The following VTI1A variants were observed in gnomAD, a reference collection of about 807,000 sequenced individuals.
VTI1A encodes the protein vesicle transport through interaction with t-SNAREs 1A, also known as vesicle transport through interaction with t-SNAREs homolog 1A.
In VTI1A, 22 loss-of-function variants were observed where a neutral mutation model predicts 34.9. The observed-to-expected ratio is 0.63, with a 90% CI of 0.45 to 0.90. The LOEUF (loss-of-function observed/expected upper bound fraction) is 0.90. Among genes scored for constraint, VTI1A ranks in the 40% least tolerant of loss-of-function variants. VTI1A has a pLI of 0.00. For missense variants in VTI1A, 268 were observed against 275.6 expected (o/e 0.97, Z 0.20); for synonymous variants, 87 against 97.3 (o/e 0.89, Z 0.62).
intron 5 of VTI1A, among the ~76,000 whole-genome samples, chr10:112,563,988 C>T (rs1851817081): frequency 6.6e-6 from 1 of 151,876 alleles, no homozygotes; most frequent in Non-Finnish European, 1.5e-5. Context: ...GGTTTTTAAA[C>T]ATTAGACATC....
intron 7 of VTI1A, among the ~76,000 whole-genome samples, chr10:112,670,835 G>A (rs1373338209): frequency 6.6e-6 from 1 of 152,148 alleles, no homozygotes; most frequent in African/African-American, 2.4e-5. Context: ...AAAATTCCCA[G>A]ATGGACATCA....
At chr10:112,760,021 C>T (rs912985813) in intron 7 of VTI1A, among the ~76,000 whole-genome samples, 5 of 152,170 alleles carry the variant, frequency 3.3e-5, no homozygotes, top group Non-Finnish European at 5.9e-5. Context: ...ACCATCTCAG[C>T]CTGGGTTGCA....
chr10:112,472,839 C>T (rs1661251214), intron 3 of VTI1A, among the ~76,000 whole-genome samples: 1 of 151,966 alleles, frequency 6.6e-6, no homozygotes, highest in African/African-American at 2.4e-5. Flanking sequence ...GACAGAGCCA[C>T]CTCAGAAAAG....
At chr10:112,844,435 TG>T in the VTI1A span, among the ~76,000 whole-genome samples, 2 of 152,330 alleles carry the variant, frequency 1.3e-5, no homozygotes, top group East Asian at 3.9e-4. Context: ...AGTCTTGCTC[TG>T]TCGCCCTGGC....
intron 5 of VTI1A, among the ~76,000 whole-genome samples, chr10:112,565,996 G>A (rs2134346472): frequency 6.6e-6 from 1 of 152,002 alleles, no homozygotes; most frequent in African/African-American, 2.4e-5. Flanking sequence ...GGTATATTTT[G>A]AAGATTATTT....
intron 5 of VTI1A, among the ~76,000 whole-genome samples, chr10:112,621,415 T>G (rs1845730145): frequency 6.6e-6 from 1 of 152,228 alleles, no homozygotes; most frequent in Non-Finnish European, 1.5e-5. Context: ...ATGTTGGACT[T>G]AGGTACACTT....
chr10:112,486,121 G>T (rs188426612), intron 3 of VTI1A, among the ~76,000 whole-genome samples: 1 of 152,080 alleles, frequency 6.6e-6, no homozygotes, highest in Admixed American at 6.6e-5. Flanking sequence ...TTTACCACGC[G>T]TATGTCTGTG....
chr10:112,490,149 G>A (rs1254990422), intron 3 of VTI1A, among the ~76,000 whole-genome samples: 1 of 152,094 alleles, frequency 6.6e-6, no homozygotes, highest in Non-Finnish European at 1.5e-5. Context: ...TGGAAATTAA[G>A]TGCTTTCATG....
At chr10:112,696,449 G>C (rs1848792167) in intron 7 of VTI1A, among the ~76,000 whole-genome samples, 1 of 152,114 alleles carries the variant, frequency 6.6e-6, no homozygotes, top group Admixed American at 6.5e-5. Flanking sequence ...TTCAGGATGT[G>C]TTTACTATTG....
chr10:112,600,388 G>A (rs946297172), intron 5 of VTI1A, among the ~76,000 whole-genome samples: 2 of 152,102 alleles, frequency 1.3e-5, no homozygotes, highest in African/African-American at 2.4e-5. Flanking sequence ...GGTCCACAAG[G>A]CCTTTCATTA....
rs146232371 is a variant in VTI1A, at chr10:112,625,109, A to G, written c.428-43109A>G. ...TGTGGCACTGTCTCAAAAAAATAAA[A>G]AAAGTATTTTGTAATAAAGTAAGCG... is the stretch of plus-strand genomic sequence containing the variant. On this transcript the variant is annotated intron_variant, in intron 5 of 7. Transcript: ENST00000393077. Among the ~76,000 whole-genome samples, 326 of 152,310 alleles carry G rather than the reference A, an allele frequency of 2.1e-3. 1 individual carries two copies. Among genetic ancestry groups the G allele is most frequent in the African/African-American group, 7.6e-3 (316 of 41,572 alleles).
chr10:112,745,053 G>A (rs1850844779), intron 7 of VTI1A, among the ~76,000 whole-genome samples: 1 of 152,134 alleles, frequency 6.6e-6, no homozygotes, highest in Non-Finnish European at 1.5e-5. Context: ...ACCATAAAAT[G>A]CAGGAAAAAA....
chr10:112,676,499 A>C (rs1848034354), intron 7 of VTI1A, among the ~76,000 whole-genome samples: 1 of 152,170 alleles, frequency 6.6e-6, no homozygotes, highest in Non-Finnish European at 1.5e-5. Context: ...TTTCTTCTGC[A>C]CTTAGGAATC....
At chr10:112,702,375 C>T (rs987746814) in intron 7 of VTI1A, among the ~76,000 whole-genome samples, 2 of 152,260 alleles carry the variant, frequency 1.3e-5, no homozygotes, top group South Asian at 2.1e-4. Context: ...AACCAGGATT[C>T]GTTTAAAGCA....
the VTI1A span, among the ~76,000 whole-genome samples, chr10:112,840,225 G>T: frequency 7.9e-5 from 12 of 152,124 alleles, no homozygotes; most frequent in Admixed American, 5.2e-4. Context: ...AAATGGCCAG[G>T]ACTTGATTAA....
At chr10:112,762,734 C>A (rs1277787538) in intron 7 of VTI1A, among the ~76,000 whole-genome samples, 2 of 152,126 alleles carry the variant, frequency 1.3e-5, no homozygotes, top group East Asian at 3.9e-4. Flanking sequence ...GAGGCTATCA[C>A]CACTGCCTGA....
At chr10:112,750,548 C>T (rs780570925) in intron 7 of VTI1A, among the ~76,000 whole-genome samples, 3 of 152,120 alleles carry the variant, frequency 2.0e-5, no homozygotes, top group Admixed American at 6.6e-5. Flanking sequence ...GTGCAACACT[C>T]TAATGGCAGA....
chr10:112,602,303 T>A (rs866888704), intron 5 of VTI1A, among the ~76,000 whole-genome samples: 11 of 152,316 alleles, frequency 7.2e-5, no homozygotes, highest in African/African-American at 2.2e-4. Context: ...AAATTTTTTT[T>A]ATCAAATCTT....
intron 5 of VTI1A, among the ~76,000 whole-genome samples, chr10:112,562,976 C>T (rs1564828019): frequency 6.6e-6 from 1 of 152,098 alleles, no homozygotes; most frequent in African/African-American, 2.4e-5. Flanking sequence ...CCAAGCAGTG[C>T]TTTTTTCATA....
Sources: gnomAD v4.1 joint callset for allele counts (sites outside exome capture counted in the v4.1 genomes callset) on GRCh38, gnomAD v4.1.1 for gene constraint, MANE v1.5 for transcripts, NCBI Gene and HGNC (gene_info 2026-07-23, HGNC 2026-07-21) for gene names.